The following C14orf180 variants were observed in gnomAD, a reference collection of about 807,000 sequenced individuals.
The protein encoded by C14orf180 is nutritionally-regulated adipose and cardiac enriched protein homolog.
C14orf180 carries 13 observed loss-of-function variants against 13.9 expected under a neutral mutation model. The observed-to-expected ratio is 0.94, with a 90% CI of 0.61 to 1.49. C14orf180 has a LOEUF of 1.49. Among genes scored for constraint, C14orf180 ranks in the 40% most tolerant of loss-of-function variants. The pLI, the probability that C14orf180 is intolerant of heterozygous loss-of-function variation, is 0.00. For missense variants in C14orf180, 238 were observed against 232.0 expected (o/e 1.03, Z -0.17); for synonymous variants, 113 against 106.3 (o/e 1.06, Z -0.39).
chr14:104,588,672 G>A lies in C14orf180; in HGVS notation c.372G>A (p.Arg124=), dbSNP rs758322784. The A allele has an allele frequency of 6.5e-7, 1 of 1,534,896 alleles. No homozygotes were observed. Among genetic ancestry groups the A allele is most frequent in the South Asian group, 1.2e-5 (1 of 83,912 alleles). ...LVLALGLYCG[R]AKPVATALED... is the part of the protein sequence containing the mutation. ...TGGCCCTGGGCCTATACTGCGGCCGGGCCAAGCCCGTGGCAACGGCACTGG... is the reference window on the plus strand; with the variant it reads ...TGGCCCTGGGCCTATACTGCGGCCGAGCCAAGCCCGTGGCAACGGCACTGG... Residue 124 remains arginine (R), a synonymous_variant, in exon 5 of 5, where the codon CGG becomes CGA. Coordinates refer to ENST00000557649, the MANE Select transcript of C14orf180 (RefSeq NM_001008404.3).
intron 1 of C14orf180, among the ~76,000 whole-genome samples, chr14:104,580,214 G>A (rs941897206): frequency 2.4e-4 from 36 of 152,272 alleles, no homozygotes; most frequent in Admixed American, 2.0e-3. Context: ...GGCAGAGACT[G>A]GGCAGAGCAC....
At position 104,590,495 on chromosome 14, in the gene C14orf180, C is replaced by A. The variant is rs1011200543; in HGVS notation, c.*1712C>A. Reference sequence around the variant, plus strand: ...CCTGGCTTTGCGGGGTCCCACGCTACGACCTCAGGTGTTTTCGAATAAACA... The same window carrying A: ...CCTGGCTTTGCGGGGTCCCACGCTAAGACCTCAGGTGTTTTCGAATAAACA... On this transcript the variant is annotated 3_prime_UTR_variant, in exon 5 of 5. Coordinates refer to ENST00000557649, the MANE Select transcript of C14orf180 (RefSeq NM_001008404.3). 7 of 152,262 alleles carry A rather than the reference C, an allele frequency of 4.6e-5. No individual in the cohort carries two copies. The highest frequency in any genetic ancestry group is 1.7e-4 in the African/African-American group (7 of 41,474). 9.4% of individuals were successfully genotyped at this position (152,262 alleles called of 1,614,324 possible).
At chr14:104,582,346 G>A (rs1227910619) in intron 1 of C14orf180, among the ~76,000 whole-genome samples, 1 of 152,104 alleles carries the variant, frequency 6.6e-6, no homozygotes. Flanking sequence ...GTCTCGAGGG[G>A]GAGGGACTCG....
Position 104,589,098 on chromosome 14 carries a change from G to A in C14orf180, c.*315G>A, listed in dbSNP as rs896479916. 9.4e-5 allele frequency: 48 copies of A among 510,838 alleles called. No individual in the cohort carries two copies. Among genetic ancestry groups the A allele is most frequent in the Non-Finnish European group, 5.0e-5 (15 of 298,300 alleles). The allele number at this position is 510,838 out of a possible 1,614,324, so 31.6% of individuals were successfully genotyped here. A position where few individuals can be genotyped will look rare whatever the true frequency, so the allele number is the denominator to read the frequency against. ...AGGCTCACCCAAAGACCCCTCCCTCGTCCCAGCAGGAACTCCTGCTGCTGC... is the reference window on the plus strand; with the variant it reads ...AGGCTCACCCAAAGACCCCTCCCTCATCCCAGCAGGAACTCCTGCTGCTGC... On this transcript the variant is annotated 3_prime_UTR_variant, in exon 5 of 5. Coordinates refer to ENST00000557649, the MANE Select transcript of C14orf180 (RefSeq NM_001008404.3). The surrounding 1 kb of genome is among the most constrained non-coding windows in gnomAD (Gnocchi z 4.9).
At chr14:104,588,477 A>G (rs906241992) in intron 4 of C14orf180, 101 bp from the exon 5 acceptor site, 1 of 1,452,882 alleles carries the variant, frequency 6.9e-7, no homozygotes, top group Admixed American at 2.2e-5. Context: ...GGCCATGGGC[A>G]TGGACAGGGT....
chr14:104,588,921 G>A lies in C14orf180; in HGVS notation c.*138G>A, dbSNP rs564798090. 2.2e-5 allele frequency: 32 copies of A among 1,444,336 alleles called. 2 individuals carry two copies. The South Asian group carries it at 4.3e-4, about 20-fold the overall frequency. 89.5% of individuals were successfully genotyped at this position (1,444,336 alleles called of 1,614,324 possible). ...GGGCTGCTGCCTGAGGGCTAACTAG[G>A]AAAAGGGGGACCCCGTGGCGTGAGA... On this transcript the variant is annotated 3_prime_UTR_variant, in exon 5 of 5. Coordinates refer to ENST00000557649, the MANE Select transcript of C14orf180 (RefSeq NM_001008404.3).
chr14:104,581,902 C>T (rs1566734062), intron 1 of C14orf180, among the ~76,000 whole-genome samples: 1 of 152,172 alleles, frequency 6.6e-6, no homozygotes. Flanking sequence ...TGAATGGGTG[C>T]AGTGCCAGGC....
At position 104,588,955 on chromosome 14, in the gene C14orf180, G is replaced by T. The variant is rs1596292104; in HGVS notation, c.*172G>T. ...GACCCCGTGGCGTGAGATCGGACAT[G>T]GGGGGCACAGCAGGCGGCCCCGCCA... On this transcript the variant is annotated 3_prime_UTR_variant, in exon 5 of 5. Coordinates refer to ENST00000557649, the MANE Select transcript of C14orf180 (RefSeq NM_001008404.3). 9.3e-6 allele frequency: 4 copies of T among 428,414 alleles called. No individual in the cohort carries two copies. The highest frequency in any genetic ancestry group is 1.1e-5 in the Non-Finnish European group (4 of 360,882). 26.5% of individuals were successfully genotyped at this position (428,414 alleles called of 1,614,324 possible). A position where few individuals can be genotyped will look rare whatever the true frequency, so the allele number is the denominator to read the frequency against.
chr14:104,588,400 C>G, intron 4 of C14orf180, 91 bp downstream of exon 4: 1 of 1,578,774 alleles, frequency 6.3e-7, no homozygotes, highest in Non-Finnish European at 8.7e-7. Flanking sequence ...GTCACAGGGC[C>G]AGGGCCTCTA....
rs905952002 is a variant in C14orf180 at position 104,589,049 on chromosome 14, G to A, written c.*266G>A. The A allele has an allele frequency of 2.1e-5, 14 of 665,680 alleles. No individual in the cohort carries two copies. Among genetic ancestry groups the A allele is most frequent in the African/African-American group, 1.1e-4 (6 of 53,376 alleles). The allele number at this position is 665,680 out of a possible 1,614,324, so 41.2% of individuals were successfully genotyped here. A position where few individuals can be genotyped will look rare whatever the true frequency, so the allele number is the denominator to read the frequency against. On this transcript the variant is annotated 3_prime_UTR_variant, in exon 5 of 5. Transcript: ENST00000557649. This position sits in a 1 kb window ranked among gnomAD's most constrained non-coding sequence, Gnocchi z 4.9. ...TGAGATTTTATTAGAAAGAGGATTCGACTGCTAACAGTTGAGGCTCCCCAG... is the reference window on the plus strand; with the variant it reads ...TGAGATTTTATTAGAAAGAGGATTCAACTGCTAACAGTTGAGGCTCCCCAG...
intron 2 of C14orf180, 59 bp downstream of exon 2, chr14:104,586,600 G>C: frequency 8.8e-7 from 1 of 1,133,978 alleles, no homozygotes; most frequent in Non-Finnish European, 1.2e-6. Context: ...GGGGCTGGAG[G>C]GGGCAGGGAG....
In C14orf180 at chr14:104,588,877, G is replaced by T; in HGVS notation, c.*94G>T. On this transcript the variant is annotated 3_prime_UTR_variant, in exon 5 of 5. Transcript: ENST00000557649. ...CTGAGCCCTGGCCCTGCTGCTTGGTGAATCATGGGGGCCAAAAGGGGCTGC... is the reference window on the plus strand; with the variant it reads ...CTGAGCCCTGGCCCTGCTGCTTGGTTAATCATGGGGGCCAAAAGGGGCTGC... The T allele has an allele frequency of 6.7e-7, 1 of 1,486,824 alleles. No individual in the cohort carries two copies. Among genetic ancestry groups the T allele is most frequent in the South Asian group, 1.3e-5 (1 of 77,128 alleles). 92.1% of individuals were successfully genotyped at this position (1,486,824 alleles called of 1,614,324 possible). A position where few individuals can be genotyped will look rare whatever the true frequency, so the allele number is the denominator to read the frequency against.
chr14:104,588,413 G>A, intron 4 of C14orf180, 104 bp downstream of exon 4: 1 of 1,551,408 alleles, frequency 6.4e-7, no homozygotes, highest in Non-Finnish European at 8.9e-7. Flanking sequence ...GGCCTCTAAG[G>A]AGTCCCCAGT....
chr14:104,586,307 C>T (rs902094443), intron 1 of C14orf180, 108 bp from the exon 2 acceptor site: 7 of 728,198 alleles, frequency 9.6e-6, no homozygotes, highest in Non-Finnish European at 2.1e-6. Flanking sequence ...GTCGCAAGCC[C>T]GGGAAGCCAG....
Position 104,586,435 on chromosome 14 carries a change from G to C in C14orf180, c.5G>C (p.Arg2Thr). 6.6e-7 allele frequency: 1 copy of C among 1,524,168 alleles called. No homozygotes were observed. Among genetic ancestry groups the C allele is most frequent in the Non-Finnish European group, 8.8e-7 (1 of 1,133,626 alleles). 94.4% of individuals were successfully genotyped at this position (1,524,168 alleles called of 1,614,324 possible). Residue 2 changes from arginine to threonine, a missense_variant, in exon 2 of 5, where the codon AGG becomes ACG. Transcript: ENST00000557649. ...CTTAGGACCATGTTCCAGTAAATGA[G>C]GACTGCAGCAGGAGCCGTGAGCCCT... The part of the protein sequence containing the change: M[R>T]TAAGAVSPDS...
chr14:104,580,629 G>A (rs1397596321), intron 1 of C14orf180, among the ~76,000 whole-genome samples: 1 of 152,236 alleles, frequency 6.6e-6, no homozygotes, highest in Non-Finnish European at 1.5e-5. Flanking sequence ...CTGAAGCCTA[G>A]TTCTCAGTGT....
chr14:104,588,809 G>A lies in C14orf180; in HGVS notation c.*26G>A. ...CGGGCAGGACGGGCAGGACGGGCAGGGCTTCCAGGAGAGCTCAAGCACTCC... is the reference window on the plus strand; with the variant it reads ...CGGGCAGGACGGGCAGGACGGGCAGAGCTTCCAGGAGAGCTCAAGCACTCC... On this transcript the variant is annotated 3_prime_UTR_variant, in exon 5 of 5. Transcript: ENST00000557649. The A allele has an allele frequency of 1.3e-6, 2 of 1,533,118 alleles. No homozygotes were observed. Among genetic ancestry groups the A allele is most frequent in the South Asian group, 1.2e-5 (1 of 83,528 alleles). The allele number at this position is 1,533,118 out of a possible 1,614,324, so 95.0% of individuals were successfully genotyped here.
At chr14:104,580,549 TG>T (rs1437700991) in intron 1 of C14orf180, among the ~76,000 whole-genome samples, 10 of 152,118 alleles carry the variant, frequency 6.6e-5, no homozygotes, top group Non-Finnish European at 1.5e-4. Context: ...AGGGCCTTGG[TG>T]GGGGGCATCC....
chr14:104,582,986 C>T (rs1886489717), intron 1 of C14orf180, among the ~76,000 whole-genome samples: 3 of 152,158 alleles, frequency 2.0e-5, no homozygotes, highest in African/African-American at 7.2e-5. Context: ...ACCACTTACC[C>T]GAGGTCACAG....
Sources: gnomAD v4.1 joint callset for allele counts (sites outside exome capture counted in the v4.1 genomes callset) on GRCh38, gnomAD v4.1.1 for gene constraint, Gnocchi (gnomAD v3.1) non-coding constraint, MANE v1.5 for transcripts, NCBI Gene and HGNC (gene_info 2026-07-23, HGNC 2026-07-21) for gene names.